ZNF385B: variants seen among roughly 807,000 people sequenced by gnomAD.
ZNF385B encodes zinc finger protein 533.
Under a neutral mutation model 39.2 loss-of-function variants are expected in ZNF385B, and 23 were observed. That is an observed-to-expected ratio of 0.59 (90% confidence interval 0.42 to 0.83). The LOEUF (loss-of-function observed/expected upper bound fraction) is 0.83, where lower values mean the gene tolerates loss of function less well. Among genes scored for constraint, ZNF385B ranks in the 40% least tolerant of loss-of-function variants. The pLI, the probability that ZNF385B is intolerant of heterozygous loss-of-function variation, is 0.00. For synonymous variants in ZNF385B, 205 were observed against 222.6 expected, an observed-to-expected ratio of 0.92 and a Z score of 0.70; for missense variants, 552 against 598.9, an observed-to-expected ratio of 0.92 and a Z score of 0.82.
rs186244480 is a variant in ZNF385B at position 179,459,026 on chromosome 2, A to T, written c.716-12256T>A. 2.7e-3 allele frequency among the ~76,000 whole-genome samples: 411 copies of T among 152,332 alleles called. 2 individuals are homozygous for T. The highest frequency in any genetic ancestry group is 9.3e-3 in the African/African-American group (385 of 41,574). Reference sequence around the variant, plus strand: ...AGAAAATTATTTTTTCCTCCCCTATAGTTGCAAGTTTGCATGTACCTAAGA... The same window carrying T: ...AGAAAATTATTTTTTCCTCCCCTATTGTTGCAAGTTTGCATGTACCTAAGA... On this transcript the variant is annotated intron_variant, in intron 6 of 9. Transcript: ENST00000410066.
intron 3 of ZNF385B, among the ~76,000 whole-genome samples, chr2:179,718,527 TAAAG>T (rs1700476499): frequency 1.3e-5 from 2 of 148,150 alleles, no homozygotes; most frequent in African/African-American, 4.9e-5. Flanking sequence ...TATATTATCA[TAAAG>T]AGAGAGAGAT....
At chr2:179,848,413 C>T (rs894934095) in intron 1 of ZNF385B, among the ~76,000 whole-genome samples, 7 of 152,214 alleles carry the variant, frequency 4.6e-5, no homozygotes, top group Non-Finnish European at 8.8e-5. Flanking sequence ...GCAGAGACAA[C>T]ACACTTAAAG....
At chr2:179,455,939 GA>G (rs1238846262) in intron 6 of ZNF385B, among the ~76,000 whole-genome samples, 1 of 151,464 alleles carries the variant, frequency 6.6e-6, no homozygotes, top group East Asian at 1.9e-4. Flanking sequence ...AACAATGTGA[GA>G]AGGAACTAAA....
At chr2:179,479,447 G>A (rs1283413737) in intron 6 of ZNF385B, among the ~76,000 whole-genome samples, 1 of 152,136 alleles carries the variant, frequency 6.6e-6, no homozygotes, top group African/African-American at 2.4e-5. Flanking sequence ...AAAAATGGTT[G>A]TGCCAAGTGC....
At chr2:179,821,271 C>T (rs936849172) in intron 1 of ZNF385B, among the ~76,000 whole-genome samples, 1 of 151,968 alleles carries the variant, frequency 6.6e-6, no homozygotes, top group East Asian at 1.9e-4. Flanking sequence ...CATTTGGGGG[C>T]AGTTGAAAAG....
intron 3 of ZNF385B, among the ~76,000 whole-genome samples, chr2:179,765,620 C>T (rs538493579): frequency 3.9e-5 from 6 of 152,270 alleles, no homozygotes; most frequent in Admixed American, 1.3e-4. Flanking sequence ...AAGACTATGT[C>T]CCTGTGGTTC....
chr2:179,828,278 T>C (rs560150699), intron 1 of ZNF385B, among the ~76,000 whole-genome samples: 1 of 152,244 alleles, frequency 6.6e-6, no homozygotes, highest in African/African-American at 2.4e-5. Flanking sequence ...TGTGAGATAA[T>C]GATATGTGGG....
chr2:179,852,576 T>C (rs1051701443), intron 1 of ZNF385B, among the ~76,000 whole-genome samples: 47 of 152,246 alleles, frequency 3.1e-4, no homozygotes, highest in Non-Finnish European at 4.4e-4. Context: ...GTGGTTCACG[T>C]TGGCATGGAA....
At chr2:179,505,447 G>A (rs1446242850) in intron 5 of ZNF385B, among the ~76,000 whole-genome samples, 1 of 151,906 alleles carries the variant, frequency 6.6e-6, no homozygotes, top group East Asian at 1.9e-4. Flanking sequence ...CCTCTCAAAT[G>A]ATATAAGAAA....
chr2:179,675,797 T>C (rs987346949), intron 3 of ZNF385B, among the ~76,000 whole-genome samples: 1 of 152,016 alleles, frequency 6.6e-6, no homozygotes, highest in African/African-American at 2.4e-5. Flanking sequence ...AGTAATTTTT[T>C]TTTTTTTTTG....
intron 3 of ZNF385B, among the ~76,000 whole-genome samples, chr2:179,593,932 A>C (rs2106080868): frequency 6.6e-6 from 1 of 152,328 alleles, no homozygotes. Context: ...CACATGAAGT[A>C]GTCCCCTTCT....
chr2:179,629,594 G>A (rs1455976661), intron 3 of ZNF385B, among the ~76,000 whole-genome samples: 2 of 152,272 alleles, frequency 1.3e-5, no homozygotes, highest in East Asian at 1.9e-4. Flanking sequence ...AGCTCCCAGC[G>A]TGATCAATGC....
intron 5 of ZNF385B, among the ~76,000 whole-genome samples, chr2:179,490,314 CAA>C (rs1491415393): frequency 2.9e-5 from 4 of 137,750 alleles, no homozygotes; most frequent in African/African-American, 5.2e-5. Flanking sequence ...ATTACACACA[CAA>C]ACACACACAC....
At position 179,444,969 on chromosome 2, in the gene ZNF385B, A is replaced by G; in HGVS notation, c.1149T>C (p.Ser383=). The G allele has an allele frequency of 6.2e-7, 1 of 1,614,104 alleles. No individual in the cohort carries two copies. Among genetic ancestry groups the G allele is most frequent in the East Asian group, 2.2e-5 (1 of 44,876 alleles). ...CAACTCGATCTTTATGCCTTCGGCT[A>G]GAAATGTGCTGAAAAAGTTTGATGC... ...NSEIQLKQHI[S]SRRHKDRVAG... The change falls in exon 9 of 10, where the codon TCT becomes TCC. Residue 383 remains serine (S), a synonymous_variant. Coordinates refer to ENST00000410066, the MANE Select transcript of ZNF385B (RefSeq NM_152520.6).
At chr2:179,790,158 T>C (rs1316319232) in intron 1 of ZNF385B, among the ~76,000 whole-genome samples, 1 of 152,182 alleles carries the variant, frequency 6.6e-6, no homozygotes, top group African/African-American at 2.4e-5. Context: ...ACTATGGATC[T>C]CAGTTCCTTC....
intron 3 of ZNF385B, among the ~76,000 whole-genome samples, chr2:179,742,677 C>T (rs1702150819): frequency 6.6e-6 from 1 of 151,916 alleles, no homozygotes; most frequent in African/African-American, 2.4e-5. Context: ...CTAAAGTATA[C>T]TCATCTTAGC....
intron 6 of ZNF385B, among the ~76,000 whole-genome samples, chr2:179,451,762 T>A (rs1045674141): frequency 2.0e-5 from 3 of 152,272 alleles, no homozygotes; most frequent in East Asian, 1.9e-4. Flanking sequence ...GCATTCTTTC[T>A]CAATATGCAA....
intron 5 of ZNF385B, among the ~76,000 whole-genome samples, chr2:179,494,010 T>A (rs1334663340): frequency 1.3e-5 from 2 of 151,328 alleles, no homozygotes; most frequent in Admixed American, 1.3e-4. Context: ...TTTTTATATA[T>A]ATATTAGTGT....
intron 1 of ZNF385B, among the ~76,000 whole-genome samples, chr2:179,824,558 C>T (rs1407383331): frequency 6.6e-6 from 1 of 152,072 alleles, no homozygotes; most frequent in East Asian, 1.9e-4. Flanking sequence ...TAATGCAATA[C>T]ATTTCAAAAT....
Sources: allele counts gnomAD v4.1 joint callset (sites outside exome capture counted in the v4.1 genomes callset), GRCh38; gene constraint gnomAD v4.1.1; transcripts MANE v1.5; gene names NCBI Gene and HGNC (gene_info 2026-07-23, HGNC 2026-07-21).